SMC3: variants seen among roughly 807,000 people sequenced by gnomAD.
SMC3 encodes structural maintenance of chromosomes protein 3.
A neutral mutation model predicts 171.8 loss-of-function variants in SMC3; 20 were observed. That is an observed-to-expected ratio of 0.12 (90% confidence interval 0.08 to 0.17). The LOEUF is 0.17. Among genes scored for constraint, SMC3 ranks in the 10% least tolerant of loss-of-function variants. The pLI is 1.00. For missense variants in SMC3, 543 were observed against 1,420.4 expected, an observed-to-expected ratio of 0.38 and a Z score of 9.93; for synonymous variants, 464 against 451.1, an observed-to-expected ratio of 1.03 and a Z score of -0.36.
chr10:110,584,001 A>G (rs376078740), intron 12 of SMC3, 39 bp downstream of exon 12: 4 of 1,609,486 alleles, frequency 2.5e-6, no homozygotes, highest in Non-Finnish European at 3.4e-6. Context: ...TTTCTACATC[A>G]TATTATGTAA....
chr10:110,602,706 A>G (rs987471025), intron 26 of SMC3, 41 bp downstream of exon 26: 2 of 1,587,822 alleles, frequency 1.3e-6, no homozygotes, highest in Admixed American at 1.7e-5. Context: ...GAGCATTACC[A>G]TAATAGAATT....
At position 110,599,737 on chromosome 10, in the gene SMC3, T is replaced by C. The variant is rs768545555; in HGVS notation, c.2352T>C (p.Asp784=). The change falls in exon 21 of 29, where the codon GAT becomes GAC. Residue 784 remains aspartate, a synonymous_variant. Coordinates refer to ENST00000361804, the MANE Select transcript of SMC3 (RefSeq NM_005445.4). ...RESLKAELGT[D]LLSQLSLEDQ... ...CATTGAAAGCAGAACTGGGAACTGA[T>C]TTGCTTTCTCAACTGAGTTTGGAAG... 1.2e-5 allele frequency: 19 copies of C among 1,613,990 alleles called. No homozygotes were observed. Among genetic ancestry groups the C allele is most frequent in the Non-Finnish European group, 1.5e-5 (18 of 1,180,010 alleles).
Position 110,604,646 on chromosome 10 carries a change from A to G in SMC3, c.*344A>G. 1 of 267,938 alleles carries G rather than the reference A, an allele frequency of 3.7e-6. No individual in the cohort carries two copies. The highest frequency in any genetic ancestry group is 4.2e-5 in the South Asian group (1 of 24,090). The allele number at this position is 267,938 out of a possible 1,614,324, so 16.6% of individuals were successfully genotyped here. On this transcript the variant is annotated 3_prime_UTR_variant, in exon 29 of 29. Coordinates refer to ENST00000361804, the MANE Select transcript of SMC3 (RefSeq NM_005445.4). ...GGTTTTATGACTAATATAGTGTTTTATGTGGCTTTTCATTTGTCATAGTCT... is the reference window on the plus strand; with the variant it reads ...GGTTTTATGACTAATATAGTGTTTTGTGTGGCTTTTCATTTGTCATAGTCT...
intron 2 of SMC3, among the ~76,000 whole-genome samples, chr10:110,571,206 A>C (rs527440881): frequency 2.0e-5 from 3 of 152,234 alleles, no homozygotes; most frequent in African/African-American, 7.2e-5. Context: ...ACCATTCTTA[A>C]TAATAACAGT....
At chr10:110,569,155 C>G in intron 2 of SMC3, 142 bp downstream of exon 2, 1 of 673,318 alleles carries the variant, frequency 1.5e-6, no homozygotes, top group South Asian at 1.7e-5. Flanking sequence ...ACTTTTCTGT[C>G]TTATTGCACT....
Position 110,604,202 on chromosome 10 carries a change from G to T in SMC3, c.3583-29G>T, listed in dbSNP as rs115863402. 1,234 of 1,488,834 alleles carry T rather than the reference G, an allele frequency of 8.3e-4. 9 individuals carry two copies. In the African/African-American group the frequency reaches 0.015, roughly 18 times the overall value. The allele number at this position is 1,488,834 out of a possible 1,614,324, so 92.2% of individuals were successfully genotyped here. ...AATGTAAACACTGATGTAATTAACA[G>T]ATTTTTGTTTTTAACATTTATTCTT... On this transcript the variant is annotated intron_variant, in intron 28 of 28. Coordinates refer to ENST00000361804, the MANE Select transcript of SMC3 (RefSeq NM_005445.4).
chr10:110,579,836 C>T (rs900800438), intron 7 of SMC3, among the ~76,000 whole-genome samples: 18 of 152,056 alleles, frequency 1.2e-4, no homozygotes, highest in African/African-American at 3.6e-4. Context: ...GACCTATTTT[C>T]GTAGAGATAA....
At chr10:110,577,133 T>G (rs1860963000) in intron 4 of SMC3, among the ~76,000 whole-genome samples, 1 of 152,194 alleles carries the variant, frequency 6.6e-6, no homozygotes, top group African/African-American at 2.4e-5. Flanking sequence ...TTATTTTTTA[T>G]TTAGAATCAA....
In SMC3 at chr10:110,573,408, A is replaced by ATAT. The variant is rs148267429; in HGVS notation, c.92-298_92-296dup. ...AGAATTATATATCCATTGTAATATG[A>ATAT]TATAAGAGCCAGGTAGTATATTTAG... On this transcript the variant is annotated intron_variant, in intron 2 of 28. Coordinates refer to ENST00000361804, the MANE Select transcript of SMC3 (RefSeq NM_005445.4). Among the ~76,000 whole-genome samples the ATAT allele has an allele frequency of 0.12, 17,672 of 152,078 alleles. 1,192 individuals carry two copies. Among genetic ancestry groups the ATAT allele is most frequent in the East Asian group, 0.26 (1,347 of 5,164 alleles).
At chr10:110,587,420 G>A (rs898745851) in intron 13 of SMC3, among the ~76,000 whole-genome samples, 9 of 152,276 alleles carry the variant, frequency 5.9e-5, no homozygotes, top group South Asian at 2.1e-4. Context: ...AGTGGCTTAC[G>A]CCTGTAATCC....
chr10:110,589,848 CAT>C (rs749798036), intron 14 of SMC3, 42 bp from the exon 15 acceptor site: 11 of 1,564,688 alleles, frequency 7.0e-6, no homozygotes, highest in East Asian at 2.2e-5. Flanking sequence ...AATGCATCCT[CAT>C]ATGTGTTTAA....
At chr10:110,594,019 T>G (rs1366767603) in intron 18 of SMC3, among the ~76,000 whole-genome samples, 2 of 152,070 alleles carry the variant, frequency 1.3e-5, no homozygotes, top group Non-Finnish European at 2.9e-5. Context: ...TTCAATTATT[T>G]TATAGTTTTT....
At chr10:110,590,798 A>G (rs780870244) in intron 16 of SMC3, among the ~76,000 whole-genome samples, 193 bp from the exon 17 acceptor site, 1 of 152,214 alleles carries the variant, frequency 6.6e-6, no homozygotes, top group South Asian at 2.1e-4. Flanking sequence ...TTTTTAAAGT[A>G]GTCTTATTTT....
chr10:110,595,630 C>G (rs1861287730), intron 18 of SMC3, among the ~76,000 whole-genome samples: 1 of 152,122 alleles, frequency 6.6e-6, no homozygotes, highest in Non-Finnish European at 1.5e-5. Flanking sequence ...TGGGGGGTTT[C>G]AAAATGGTGA....
At chr10:110,569,642 C>G (rs1414916742) in intron 2 of SMC3, among the ~76,000 whole-genome samples, 2 of 152,034 alleles carry the variant, frequency 1.3e-5, no homozygotes, top group East Asian at 3.8e-4. Flanking sequence ...AAAAAAAAAT[C>G]CCAGTTGTGG....
At chr10:110,567,924 T>G in intron 1 of SMC3, 93 bp downstream of exon 1, 1 of 1,425,700 alleles carries the variant, frequency 7.0e-7, no homozygotes, top group Non-Finnish European at 9.8e-7. Flanking sequence ...GCCTCTCCCC[T>G]GTCTCCACAG....
At chr10:110,591,622 G>C (rs947091976) in intron 17 of SMC3, among the ~76,000 whole-genome samples, 1 of 152,118 alleles carries the variant, frequency 6.6e-6, no homozygotes, top group Non-Finnish European at 1.5e-5. Context: ...CATTGCTTTT[G>C]TTGGTAACAA....
chr10:110,593,211 A>G lies in SMC3; in HGVS notation c.1951A>G (p.Ile651Val), dbSNP rs771399557. The stretch of plus-strand genomic sequence containing the variant: ...GGCCCGTGCTTTCACTATGGACTGT[A>G]TTACTTTGGAAGGTTTGTAATACTA... ...QLARAFTMDC[I>V]TLEGDQVSHR... Residue 651 changes from isoleucine to valine, a missense_variant, in exon 18 of 29, where the codon ATT becomes GTT. Transcript: ENST00000361804. The G allele has an allele frequency of 1.2e-6, 2 of 1,614,074 alleles. No individual in the cohort carries two copies. Among genetic ancestry groups the G allele is most frequent in the Non-Finnish European group, 1.7e-6 (2 of 1,179,934 alleles).
intron 20 of SMC3, 52 bp from the exon 21 acceptor site, chr10:110,599,602 A>C (rs555604800): frequency 6.0e-6 from 9 of 1,498,150 alleles, no homozygotes; most frequent in African/African-American, 1.4e-5. Flanking sequence ...AATTTTCACT[A>C]TAAGTAATAC....
Sources: allele counts gnomAD v4.1 joint callset (sites outside exome capture counted in the v4.1 genomes callset), GRCh38; gene constraint gnomAD v4.1.1; transcripts MANE v1.5; gene names NCBI Gene and HGNC (gene_info 2026-07-23, HGNC 2026-07-21).